TTBK1: variants seen among roughly 807,000 people sequenced by gnomAD.
TTBK1 encodes tau-tubulin kinase 1.
In TTBK1, 34 loss-of-function variants were observed where a neutral mutation model predicts 108.5. The ratio of observed to expected loss-of-function variants is 0.31; its 90% confidence interval spans 0.24 to 0.42. The LOEUF (loss-of-function observed/expected upper bound fraction) is 0.42, where lower values mean the gene tolerates loss of function less well. TTBK1 is among the 10% of genes least tolerant of loss of function. TTBK1 has a pLI of 1.00. For missense variants in TTBK1, 1,539 were observed against 1,826.0 expected (o/e 0.84, Z 2.86); for synonymous variants, 809 against 795.1 (o/e 1.02, Z -0.29).
At position 43,253,800 on chromosome 6, in the gene TTBK1, A is replaced by T; in HGVS notation, c.471+92A>T. The T allele has an allele frequency of 6.8e-7, 1 of 1,478,318 alleles. No individual in the cohort carries two copies. The highest frequency in any genetic ancestry group is 9.0e-7 in the Non-Finnish European group (1 of 1,108,102). 91.6% of individuals were successfully genotyped at this position (1,478,318 alleles called of 1,614,324 possible). ...GTCTCCTGGTTTCTCCTCTGCAACC[A>T]TGGTTGGGACTTGTGATGGGACAGC... On this transcript the variant is annotated intron_variant, in intron 5 of 14. Coordinates refer to ENST00000259750, the MANE Select transcript of TTBK1 (RefSeq NM_032538.3). The surrounding 1 kb of genome is among the most constrained non-coding windows in gnomAD (Gnocchi z 5.8).
rs1167954001 is a variant in TTBK1 at position 43,283,523 on chromosome 6, G to A, written c.2783G>A (p.Arg928Lys). ...VTSSPFTKVE[R>K]TFVHIAEKTH... ...TCCTCACCCTTCACCAAAGTTGAGAGGACCTTTGTGCACATTGCGGAGAAA... is the reference window on the plus strand; with the variant it reads ...TCCTCACCCTTCACCAAAGTTGAGAAGACCTTTGTGCACATTGCGGAGAAA... Residue 928 changes from arginine (R) to lysine (K), a missense_variant, in exon 14 of 15, where the codon AGG (arginine) becomes AAG (lysine). Physicochemically the swap from Arg to Lys is conservative, Grantham distance 26. Transcript: ENST00000259750. The surrounding 1 kb of genome is among the most constrained non-coding windows in gnomAD (Gnocchi z 8.1). 2.5e-6 allele frequency: 4 copies of A among 1,614,050 alleles called. No homozygotes were observed. Among genetic ancestry groups the A allele is most frequent in the African/African-American group, 2.7e-5 (2 of 74,940 alleles).
chr6:43,248,042 G>T (rs1777146571), intron 2 of TTBK1: 4 of 152,192 alleles, frequency 2.6e-5, no homozygotes. Context: ...GAAACCTCGG[G>T]GCCCCTGGCA....
intron 9 of TTBK1, 151 bp downstream of exon 9, chr6:43,256,007 C>A (rs1777371430): frequency 3.3e-6 from 3 of 896,286 alleles, no homozygotes; most frequent in African/African-American, 1.7e-5. Flanking sequence ...GGCATGTATG[C>A]TCTTGTAAAC....
chr6:43,262,994 G>A lies in TTBK1; in HGVS notation c.1630G>A (p.Val544Ile), dbSNP rs1777582151. ...GGAGGATTTCGACAGCAAAGAGTGG[G>A]TCATCATCGACAAGGAGACGGAGCT... ...EEEDFDSKEWVIIDKETELKD... is the reference protein window; with the variant it reads ...EEEDFDSKEWIIIDKETELKD... Residue 544 changes from valine (V) to isoleucine (I), a missense_variant, in exon 13 of 15, where the codon GTC becomes ATC. Around this residue, in one of 5 missense-constraint regions of TTBK1, gnomAD observed 7 missense variants for 20.7 expected, o/e 0.34. Coordinates refer to ENST00000259750, the MANE Select transcript of TTBK1 (RefSeq NM_032538.3). 3 of 1,612,184 alleles carry A rather than the reference G, an allele frequency of 1.9e-6. No homozygotes were observed. Among genetic ancestry groups the A allele is most frequent in the Non-Finnish European group, 2.5e-6 (3 of 1,179,202 alleles).
rs773103397 is a variant in TTBK1, at chr6:43,283,135, C to T, written c.2395C>T (p.Arg799Trp). ...TGAGGGGAGTGAGAGGAGCACTGAC[C>T]GGAGCCAGGAGGGTGCCCCGTCCAC... ...SSEGSERSTD[R>W]SQEGAPSTLL... The change falls in exon 14 of 15, where the codon CGG (arginine) becomes TGG (tryptophan). Residue 799 changes from arginine to tryptophan, a missense_variant. By Grantham distance (101) the Arg-to-Trp change is moderately radical (BLOSUM62 -3). Around this residue, in one of 5 missense-constraint regions of TTBK1, gnomAD observed 1,055 missense variants for 1,086.5 expected, o/e 0.97. Transcript: ENST00000259750. The surrounding 1 kb of genome is among the most constrained non-coding windows in gnomAD (Gnocchi z 8.1). 5.1e-6 allele frequency: 8 copies of T among 1,571,730 alleles called. No homozygotes were observed. The highest frequency in any genetic ancestry group is 1.4e-5 in the African/African-American group (1 of 73,904).
In TTBK1 at chr6:43,276,792, G is replaced by A. The variant is rs1462827992; in HGVS notation, c.1987-5935G>A. Among the ~76,000 whole-genome samples, 1 of 152,224 alleles carries A rather than the reference G, an allele frequency of 6.6e-6. No homozygotes were observed. The highest frequency in any genetic ancestry group is 2.4e-5 in the African/African-American group (1 of 41,454). On this transcript the variant is annotated intron_variant, in intron 13 of 14. Coordinates refer to ENST00000259750, the MANE Select transcript of TTBK1 (RefSeq NM_032538.3). This position sits in a 1 kb window ranked among gnomAD's most constrained non-coding sequence, Gnocchi z 5.4. ...GTCTGTTGCTGACTCTGGGACTGAG[G>A]GGTGGGCAAGTTCTGGGTCAGTGGA...
At position 43,270,419 on chromosome 6, in the gene TTBK1, GT is replaced by G. The variant is rs1777800832; in HGVS notation, c.1986+7070del. The G allele has an allele frequency of 2.2e-5, 14 of 635,806 alleles. No individual in the cohort carries two copies. The South Asian group carries it at 1.0e-3, about 47-fold the overall frequency. 39.4% of individuals were successfully genotyped at this position (635,806 alleles called of 1,614,324 possible). A position where few individuals can be genotyped will look rare whatever the true frequency, so the allele number is the denominator to read the frequency against. ...GGCCAAGACCCTCCTTGCATGGTGT[GT>G]GTGTGTGTGTGTGTGTGTGTGTGTG... On this transcript the variant is annotated intron_variant, in intron 13 of 14. Coordinates refer to ENST00000259750, the MANE Select transcript of TTBK1 (RefSeq NM_032538.3).
chr6:43,284,139 G>T lies in TTBK1; in HGVS notation c.3399G>T (p.Thr1133=). Residue 1133 remains threonine, a synonymous_variant, in exon 14 of 15, where the codon ACG becomes ACT. Coordinates refer to ENST00000259750, the MANE Select transcript of TTBK1 (RefSeq NM_032538.3). ...TLSGTGSEED[T]PASEPAAALP... ...CAGGCACGGGCTCTGAGGAGGACAC[G>T]CCCGCCTCTGAGCCGGCAGCGGCCT... 1 of 1,542,062 alleles carries T rather than the reference G, an allele frequency of 6.5e-7. No individual in the cohort carries two copies. Among genetic ancestry groups the T allele is most frequent in the Non-Finnish European group, 8.7e-7 (1 of 1,149,776 alleles).
chr6:43,266,028 G>C (rs1562091246), intron 13 of TTBK1, among the ~76,000 whole-genome samples: 1 of 152,200 alleles, frequency 6.6e-6, no homozygotes, highest in Non-Finnish European at 1.5e-5. Context: ...TCTGTAATCA[G>C]TCTCGGGCTC....
chr6:43,257,982 G>T lies in TTBK1; in HGVS notation c.1016+16G>T, dbSNP rs776803934. On this transcript the variant is annotated intron_variant, in intron 10 of 14. Coordinates refer to ENST00000259750, the MANE Select transcript of TTBK1 (RefSeq NM_032538.3). This position sits in a 1 kb window ranked among gnomAD's most constrained non-coding sequence, Gnocchi z 4.5. ...CCATGTTTGGGTGAGTCTCAGGAAGGCGAGCCACCAGCCCCTGCCTGGAGC... is the reference window on the plus strand; with the variant it reads ...CCATGTTTGGGTGAGTCTCAGGAAGTCGAGCCACCAGCCCCTGCCTGGAGC... 5.6e-6 allele frequency: 9 copies of T among 1,608,070 alleles called. No homozygotes were observed. Among genetic ancestry groups the T allele is most frequent in the Non-Finnish European group, 7.6e-6 (9 of 1,177,640 alleles).
chr6:43,243,696 G>GCAGCCGCAGCC lies in TTBK1; in HGVS notation c.-67_-66insCAGCCGCAGCC, dbSNP rs1777013873. 3 of 153,226 alleles carry GCAGCCGCAGCC rather than the reference G, an allele frequency of 2.0e-5. No individual in the cohort carries two copies. The highest frequency in any genetic ancestry group is 7.3e-5 in the African/African-American group (3 of 41,312). 9.5% of individuals were successfully genotyped at this position (153,226 alleles called of 1,614,324 possible). On this transcript the variant is annotated 5_prime_UTR_variant, in exon 1 of 15. It removes the in-frame stop codon of an upstream open reading frame in the 5' UTR. Transcript: ENST00000259750. The surrounding 1 kb of genome is among the most constrained non-coding windows in gnomAD (Gnocchi z 5.5). ...CCGCCGCCGCAGCCGCAGCCGCAGCGGGCACAGAGCAGGTGAGGCGGGGCG... is the reference window on the plus strand; with the variant it reads ...CCGCCGCCGCAGCCGCAGCCGCAGCGCAGCCGCAGCCGGCACAGAGCAGGTGAGGCGGGGCG...
intron 13 of TTBK1, among the ~76,000 whole-genome samples, chr6:43,281,217 T>TA (rs796418769): frequency 4.0e-5 from 6 of 150,382 alleles, no homozygotes; most frequent in East Asian, 3.9e-4. Flanking sequence ...CTACTAAGAA[T>TA]AAAAAAAAAT....
rs942858822 is a variant in TTBK1, at chr6:43,282,316, A to G, written c.1987-411A>G. The stretch of plus-strand genomic sequence containing the variant: ...TGGACCTGGCTTTCTCATCTGTAAA[A>G]GGAAGGGCTGATCTGCGTGGTGGTC... On this transcript the variant is annotated intron_variant, in intron 13 of 14. Coordinates refer to ENST00000259750, the MANE Select transcript of TTBK1 (RefSeq NM_032538.3). This position sits in a 1 kb window ranked among gnomAD's most constrained non-coding sequence, Gnocchi z 5.4. Among the ~76,000 whole-genome samples the G allele has an allele frequency of 1.3e-5, 2 of 152,242 alleles. No individual in the cohort carries two copies. The highest frequency in any genetic ancestry group is 2.9e-5 in the Non-Finnish European group (2 of 68,044).
rs778354446 is a variant in TTBK1, at chr6:43,283,527, C to G, written c.2787C>G (p.Thr929=). The change falls in exon 14 of 15, where the codon ACC becomes ACG. Residue 929 remains threonine, a synonymous_variant. Coordinates refer to ENST00000259750, the MANE Select transcript of TTBK1 (RefSeq NM_032538.3). The surrounding 1 kb of genome is among the most constrained non-coding windows in gnomAD (Gnocchi z 8.1). ...TSSPFTKVER[T]FVHIAEKTHL... is the part of the protein sequence containing the mutation. ...CACCCTTCACCAAAGTTGAGAGGAC[C>G]TTTGTGCACATTGCGGAGAAAACCC... The G allele has an allele frequency of 2.5e-5, 41 of 1,614,144 alleles. No individual in the cohort carries two copies. Among genetic ancestry groups the G allele is most frequent in the Non-Finnish European group, 3.1e-5 (37 of 1,179,994 alleles).
chr6:43,246,602 C>G lies in TTBK1; in HGVS notation c.-54-5C>G. 1 of 1,421,552 alleles carries G rather than the reference C, an allele frequency of 7.0e-7. No individual in the cohort carries two copies. The highest frequency in any genetic ancestry group is 2.3e-5 in the East Asian group (1 of 42,690). The allele number at this position is 1,421,552 out of a possible 1,614,324, so 88.1% of individuals were successfully genotyped here. A position where few individuals can be genotyped will look rare whatever the true frequency, so the allele number is the denominator to read the frequency against. On this transcript the variant is annotated splice_region_variant and splice_polypyrimidine_tract_variant and intron_variant, in intron 1 of 14. Coordinates refer to ENST00000259750, the MANE Select transcript of TTBK1 (RefSeq NM_032538.3). ...CGCCCTCACAGGCCCTCCTCACTCC[C>G]CTAGGTAGATGGCCCCCTCAGGGCA...
rs528255071 is a variant in TTBK1 at position 43,285,423 on chromosome 6, C to A, written c.*47C>A. 9.4e-3 allele frequency: 11,755 copies of A among 1,251,316 alleles called. 62 individuals are homozygous for A. Among genetic ancestry groups the A allele is most frequent in the Middle Eastern group, 0.01 (34 of 3,298 alleles). 77.5% of individuals were successfully genotyped at this position (1,251,316 alleles called of 1,614,324 possible). On this transcript the variant is annotated 3_prime_UTR_variant, in exon 15 of 15. Transcript: ENST00000259750. This position sits in a 1 kb window ranked among gnomAD's most constrained non-coding sequence, Gnocchi z 4.7. ...GTCCCCCACCCTCACCCCGGCCCCC[C>A]ACCCGCAGCCGGCCACACTGGAGCA...
intron 1 of TTBK1, among the ~76,000 whole-genome samples, chr6:43,245,623 A>G (rs1055670827): frequency 8.5e-5 from 13 of 152,090 alleles, no homozygotes; most frequent in African/African-American, 1.2e-4. Context: ...ACACGCACAC[A>G]TGGGCATTTC....
intron 13 of TTBK1, chr6:43,271,884 TC>T (rs143481546): frequency 3.4e-4 from 67 of 195,598 alleles, no homozygotes; most frequent in African/African-American, 2.7e-3. Context: ...CCCACCCCCA[TC>T]TCAGCTGCTC....
chr6:43,272,751 C>T lies in TTBK1; in HGVS notation c.1986+9401C>T, dbSNP rs747327590. ...CGGCAGAGCTTCACATGGTTTGGGTCGAGTTGCTGGTCTCCGGTTCCCAGG... is the reference window on the plus strand; with the variant it reads ...CGGCAGAGCTTCACATGGTTTGGGTTGAGTTGCTGGTCTCCGGTTCCCAGG... On this transcript the variant is annotated intron_variant, in intron 13 of 14. Transcript: ENST00000259750. 28 of 879,450 alleles carry T rather than the reference C, an allele frequency of 3.2e-5. No homozygotes were observed. The South Asian group carries it at 7.3e-4, about 23-fold the overall frequency. 54.5% of individuals were successfully genotyped at this position (879,450 alleles called of 1,614,324 possible).
Sources: allele counts gnomAD v4.1 joint callset (sites outside exome capture counted in the v4.1 genomes callset), GRCh38; gene constraint gnomAD v4.1.1; regional missense constraint gnomAD v4.1.1; non-coding constraint Gnocchi (gnomAD v3.1); transcripts MANE v1.5; gene names NCBI Gene and HGNC (gene_info 2026-07-23, HGNC 2026-07-21).